Variants in THUMPD2 observed in about 807,000 individuals in gnomAD.
THUMPD2 encodes THUMP domain 2 tRNA and snRNA guanosine methyltransferase.
A neutral mutation model predicts 49.4 loss-of-function variants in THUMPD2; 56 were observed. The observed-to-expected ratio is 1.13, with a 90% CI of 0.91 to 1.41. The LOEUF (loss-of-function observed/expected upper bound fraction) is 1.41. Among genes scored for constraint, THUMPD2 ranks in the 40% most tolerant of loss-of-function variants. The probability of loss-of-function intolerance (pLI) is 0.00; values close to 1 mark genes in which losing one functional copy is unlikely to be tolerated. For missense variants in THUMPD2, 709 were observed against 594.5 expected, an observed-to-expected ratio of 1.19 and a Z score of -2.00; for synonymous variants, 237 against 205.2, an observed-to-expected ratio of 1.15 and a Z score of -1.32.
In THUMPD2 at chr2:39,755,546, T is replaced by A. The variant is rs1675987598; in HGVS notation, c.964-137A>T. ...TTCAGGTCAAAACACATTTAGGGTATTCTTTTAAAATCATAGTAGCAAAAA... is the reference window on the plus strand; with the variant it reads ...TTCAGGTCAAAACACATTTAGGGTAATCTTTTAAAATCATAGTAGCAAAAA... On this transcript the variant is annotated intron_variant, in intron 7 of 9. Transcript: ENST00000505747. 6 of 605,324 alleles carry A rather than the reference T, an allele frequency of 9.9e-6. No individual in the cohort carries two copies. The South Asian group carries it at 1.7e-4, about 17-fold the overall frequency. The allele number at this position is 605,324 out of a possible 1,614,324, so 37.5% of individuals were successfully genotyped here.
intron 5 of THUMPD2, among the ~76,000 whole-genome samples, chr2:39,763,652 CTCTTTT>C (rs1677123789): frequency 6.6e-6 from 1 of 152,098 alleles, no homozygotes; most frequent in African/African-American, 2.4e-5. Flanking sequence ...CTCTCCTTCT[CTCTTTT>C]TATTTCCCTT....
chr2:39,744,226 C>A (rs1035619005), intron 9 of THUMPD2, 144 bp downstream of exon 9: 8 of 492,324 alleles, frequency 1.6e-5, no homozygotes, highest in Admixed American at 4.2e-5. Flanking sequence ...TTATAAACTT[C>A]TGACTTAAAA....
At chr2:39,762,884 T>C (rs1339851117) in intron 5 of THUMPD2, among the ~76,000 whole-genome samples, 1 of 151,774 alleles carries the variant, frequency 6.6e-6, no homozygotes, top group Non-Finnish European at 1.5e-5. Flanking sequence ...TTTCAAAGTT[T>C]CAAAAACTAT....
intron 9 of THUMPD2, among the ~76,000 whole-genome samples, chr2:39,739,061 T>G (rs1449843538): frequency 1.3e-5 from 2 of 152,230 alleles, no homozygotes; most frequent in Non-Finnish European, 2.9e-5. Flanking sequence ...ATTCATAGTT[T>G]GCCTGGACCA....
At chr2:39,751,950 G>GCCTA (rs1675468094) in intron 8 of THUMPD2, among the ~76,000 whole-genome samples, 1 of 152,066 alleles carries the variant, frequency 6.6e-6, no homozygotes, top group African/African-American at 2.4e-5. Context: ...GCCTTCCAAA[G>GCCTA]TGCTGGGATT....
intron 1 of THUMPD2, among the ~76,000 whole-genome samples, chr2:39,773,585 TATATATATATTTATATTTTA>T (rs1678646869): frequency 7.4e-6 from 1 of 135,780 alleles, no homozygotes; most frequent in African/African-American, 3.1e-5. Context: ...ATTTTAAAAA[TATATATATATTTATATTTTA>T]AAAATATATA....
Position 39,737,150 on chromosome 2 carries a change from T to C in THUMPD2, c.1188-91A>G, listed in dbSNP as rs961512730. On this transcript the variant is annotated intron_variant, in intron 9 of 9. Coordinates refer to ENST00000505747, the MANE Select transcript of THUMPD2 (RefSeq NM_025264.5). ...ATTTAAAATGGTTCATGTTTTTAATTTGAAATTTAATTTTATCCATTTAAA... is the reference window on the plus strand; with the variant it reads ...ATTTAAAATGGTTCATGTTTTTAATCTGAAATTTAATTTTATCCATTTAAA... 6 of 1,228,158 alleles carry C rather than the reference T, an allele frequency of 4.9e-6. No individual in the cohort carries two copies. The Admixed American group carries it at 1.4e-4, about 29-fold the overall frequency. The allele number at this position is 1,228,158 out of a possible 1,614,324, so 76.1% of individuals were successfully genotyped here.
intron 4 of THUMPD2, among the ~76,000 whole-genome samples, chr2:39,767,326 C>T (rs188860957): frequency 2.0e-5 from 3 of 152,110 alleles, no homozygotes; most frequent in Non-Finnish European, 2.9e-5. Flanking sequence ...GAAAGGGGGC[C>T]GGGCGCGGTG....
In THUMPD2 at chr2:39,736,484, C is replaced by T. The variant is rs1432650713; in HGVS notation, c.*251G>A. On this transcript the variant is annotated 3_prime_UTR_variant, in exon 10 of 10. Coordinates refer to ENST00000505747, the MANE Select transcript of THUMPD2 (RefSeq NM_025264.5). ...TGCTCAGAAACTGGGCAGAACTTTTCACATTCTGACAGAAGATAAAACTTA... is the reference window on the plus strand; with the variant it reads ...TGCTCAGAAACTGGGCAGAACTTTTTACATTCTGACAGAAGATAAAACTTA... 1 of 345,156 alleles carries T rather than the reference C, an allele frequency of 2.9e-6. No homozygotes were observed. Among genetic ancestry groups the T allele is most frequent in the Non-Finnish European group, 5.2e-6 (1 of 192,044 alleles). 21.4% of individuals were successfully genotyped at this position (345,156 alleles called of 1,614,324 possible). A position where few individuals can be genotyped will look rare whatever the true frequency, so the allele number is the denominator to read the frequency against.
At chr2:39,777,624 A>C (rs1391694935) in intron 1 of THUMPD2, among the ~76,000 whole-genome samples, 1 of 152,198 alleles carries the variant, frequency 6.6e-6, no homozygotes, top group Non-Finnish European at 1.5e-5. Flanking sequence ...TTGAGAGTTC[A>C]CTTTGTATCA....
chr2:39,740,990 G>C (rs1673818427), intron 9 of THUMPD2, among the ~76,000 whole-genome samples: 1 of 152,096 alleles, frequency 6.6e-6, no homozygotes. Flanking sequence ...GAGACTACAG[G>C]TATGAGCTAC....
intron 8 of THUMPD2, 28 bp downstream of exon 8, chr2:39,755,267 C>CA (rs1263586863): frequency 3.7e-6 from 5 of 1,347,156 alleles, no homozygotes; most frequent in Non-Finnish European, 4.1e-6. Flanking sequence ...TTCCTTTTCT[C>CA]AATTGTTTTG....
At chr2:39,748,345 G>A (rs1674882698) in intron 8 of THUMPD2, among the ~76,000 whole-genome samples, 1 of 152,180 alleles carries the variant, frequency 6.6e-6, no homozygotes, top group African/African-American at 2.4e-5. Context: ...TTATGCAGAA[G>A]CATTTTTTTT....
chr2:39,761,969 C>T (rs141251674), intron 5 of THUMPD2, among the ~76,000 whole-genome samples: 2 of 152,278 alleles, frequency 1.3e-5, no homozygotes, highest in Non-Finnish European at 2.9e-5. Flanking sequence ...AAGCAGACAT[C>T]TCCCAAATGA....
At chr2:39,763,363 T>TA (rs1677079841) in intron 5 of THUMPD2, among the ~76,000 whole-genome samples, 1 of 152,160 alleles carries the variant, frequency 6.6e-6, no homozygotes, top group African/African-American at 2.4e-5. Context: ...CATATATTGA[T>TA]ACATTTCTTC....
chr2:39,742,333 T>A (rs1390373987), intron 9 of THUMPD2, among the ~76,000 whole-genome samples: 7 of 152,150 alleles, frequency 4.6e-5, no homozygotes, highest in African/African-American at 1.7e-4. Flanking sequence ...TTGCAGGAAG[T>A]CAGGAATATG....
chr2:39,738,606 T>TATA (rs1673464835), intron 9 of THUMPD2, among the ~76,000 whole-genome samples: 1 of 110,608 alleles, frequency 9.0e-6, no homozygotes, highest in African/African-American at 5.4e-5. Flanking sequence ...TGTAAAAATA[T>TATA]ATATATAATA....
At position 39,757,319 on chromosome 2, in the gene THUMPD2, A is replaced by G. The variant is rs1280666775; in HGVS notation, c.892-1359T>C. Reference sequence around the variant, plus strand: ...CCACCACTTGATATGTCTACAGAGGAAGCAGAGTCCTCAGTGCACAGCCAG... The same window carrying G: ...CCACCACTTGATATGTCTACAGAGGGAGCAGAGTCCTCAGTGCACAGCCAG... On this transcript the variant is annotated intron_variant, in intron 6 of 9. Transcript: ENST00000505747. The G allele has an allele frequency of 9.0e-6, 10 of 1,115,518 alleles. 1 individual carries two copies. The Admixed American group carries it at 2.3e-4, about 26-fold the overall frequency. 69.1% of individuals were successfully genotyped at this position (1,115,518 alleles called of 1,614,324 possible).
chr2:39,761,176 C>T (rs768205057), intron 6 of THUMPD2, among the ~76,000 whole-genome samples, 155 bp downstream of exon 6: 4 of 151,934 alleles, frequency 2.6e-5, no homozygotes, highest in Non-Finnish European at 5.9e-5. Context: ...ATTACTGCAG[C>T]AGTTTGTAAG....
Sources: gnomAD v4.1 joint callset for allele counts (sites outside exome capture counted in the v4.1 genomes callset) on GRCh38, gnomAD v4.1.1 for gene constraint, MANE v1.5 for transcripts, NCBI Gene and HGNC (gene_info 2026-07-23, HGNC 2026-07-21) for gene names.